The following SMC6 variants were observed in gnomAD, a reference collection of about 807,000 sequenced individuals.
The protein encoded by SMC6 is structural maintenance of chromosomes protein 6.
In SMC6, 79 loss-of-function variants were observed where a neutral mutation model predicts 142.2. That is an observed-to-expected ratio of 0.56 (90% CI 0.46 to 0.67). SMC6 has a LOEUF of 0.67. Among genes scored for constraint, SMC6 ranks in the 30% least tolerant of loss-of-function variants. The pLI, the probability that SMC6 is intolerant of heterozygous loss-of-function variation, is 0.00. For synonymous variants in SMC6, 411 were observed against 412.4 expected (o/e 1.00, Z 0.04); for missense variants, 1,072 against 1,284.0 (o/e 0.83, Z 2.52).
chr2:17,668,150 T>C (rs769541412), intron 26 of SMC6, among the ~76,000 whole-genome samples: 3 of 152,206 alleles, frequency 2.0e-5, no homozygotes, highest in Non-Finnish European at 4.4e-5. Flanking sequence ...TCTAAGTTTC[T>C]GAAAGAGAAA....
intron 23 of SMC6, among the ~76,000 whole-genome samples, chr2:17,689,375 G>A (rs1667599066): frequency 6.6e-6 from 1 of 152,156 alleles, no homozygotes; most frequent in South Asian, 2.1e-4. Context: ...CGTCAACATT[G>A]GAACTGGACT....
At position 17,663,950 on chromosome 2, in the gene SMC6, C is replaced by G. The variant is rs918854348; in HGVS notation, c.*1549G>C. 5.3e-5 allele frequency: 8 copies of G among 152,116 alleles called. No individual in the cohort carries two copies. Among genetic ancestry groups the G allele is most frequent in the African/African-American group, 1.9e-4 (8 of 41,406 alleles). The allele number at this position is 152,116 out of a possible 1,614,324, so 9.4% of individuals were successfully genotyped here. A position where few individuals can be genotyped will look rare whatever the true frequency, so the allele number is the denominator to read the frequency against. On this transcript the variant is annotated 3_prime_UTR_variant, in exon 28 of 28. Transcript: ENST00000448223. The stretch of plus-strand genomic sequence containing the variant: ...TATTTTCACTTATGATAGTTGAAAT[C>G]AAAACTTTGTGAGGCCAAAGCAATG...
chr2:17,704,399 GAATA>G (rs1355541712), intron 18 of SMC6, among the ~76,000 whole-genome samples: 3 of 152,192 alleles, frequency 2.0e-5, no homozygotes, highest in African/African-American at 7.2e-5. Flanking sequence ...AAGATATGGA[GAATA>G]AATAAAGTAC....
chr2:17,718,348 C>T, intron 11 of SMC6, 125 bp from the exon 12 acceptor site: 1 of 532,772 alleles, frequency 1.9e-6, no homozygotes, highest in Non-Finnish European at 3.1e-6. Flanking sequence ...GGCAAATAAA[C>T]ATAACATAAC....
At chr2:17,728,308 C>T (rs904186714) in intron 7 of SMC6, among the ~76,000 whole-genome samples, 1 of 151,962 alleles carries the variant, frequency 6.6e-6, no homozygotes, top group Non-Finnish European at 1.5e-5. Flanking sequence ...TAATGGTACC[C>T]GCCTGTAGTA....
chr2:17,687,790 T>C (rs931992774), intron 23 of SMC6, among the ~76,000 whole-genome samples: 1 of 152,068 alleles, frequency 6.6e-6, no homozygotes, highest in African/African-American at 2.4e-5. Context: ...AAAAATTGAA[T>C]GTAAACAAAA....
At chr2:17,684,920 T>A (rs1187016665) in intron 23 of SMC6, among the ~76,000 whole-genome samples, 1 of 151,784 alleles carries the variant, frequency 6.6e-6, no homozygotes, top group African/African-American at 2.4e-5. Flanking sequence ...ACTGAAAGAA[T>A]AGATACACAA....
intron 26 of SMC6, among the ~76,000 whole-genome samples, chr2:17,667,426 A>G (rs1666549137): frequency 6.6e-6 from 1 of 152,234 alleles, no homozygotes; most frequent in Non-Finnish European, 1.5e-5. Context: ...AATGGTCTAG[A>G]CCTGTGGCTA....
At chr2:17,745,339 T>C (rs995484375) in intron 3 of SMC6, among the ~76,000 whole-genome samples, 2 of 152,194 alleles carry the variant, frequency 1.3e-5, no homozygotes, top group Non-Finnish European at 2.9e-5. Context: ...ATTTCTTTTA[T>C]AGGAATTTAA....
At chr2:17,682,077 T>C in intron 24 of SMC6, 1 of 152,140 alleles carries the variant, frequency 6.6e-6, no homozygotes, top group Non-Finnish European at 1.5e-5. Context: ...TAATAGAGAT[T>C]GGGTTTATTC....
intron 18 of SMC6, among the ~76,000 whole-genome samples, chr2:17,703,540 T>G (rs1345715058): frequency 6.6e-6 from 1 of 151,898 alleles, no homozygotes; most frequent in South Asian, 2.1e-4. Flanking sequence ...TCTTGAACAA[T>G]GCAGGGTTTG....
intron 25 of SMC6, among the ~76,000 whole-genome samples, chr2:17,673,724 C>G (rs990079932): frequency 1.3e-5 from 2 of 151,822 alleles, no homozygotes; most frequent in Admixed American, 6.6e-5. Flanking sequence ...CATGTGCCAC[C>G]ATGCCCAGCT....
rs192086889 is a variant in SMC6, at chr2:17,720,903, T to C, written c.945+37A>G. The C allele has an allele frequency of 3.4e-4, 512 of 1,518,940 alleles. No homozygotes were observed. The African/African-American group carries it at 5.9e-3, about 17-fold the overall frequency. 94.1% of individuals were successfully genotyped at this position (1,518,940 alleles called of 1,614,324 possible). A position where few individuals can be genotyped will look rare whatever the true frequency, so the allele number is the denominator to read the frequency against. On this transcript the variant is annotated intron_variant, in intron 11 of 27. Transcript: ENST00000448223. ...TCTAATATCTGTAATTTCATATGATTCAACCTATTAAATCTGCATTTAAAA... is the reference window on the plus strand; with the variant it reads ...TCTAATATCTGTAATTTCATATGATCCAACCTATTAAATCTGCATTTAAAA...
At chr2:17,721,295 T>C in intron 9 of SMC6, 34 bp from the exon 10 acceptor site, 1 of 1,519,514 alleles carries the variant, frequency 6.6e-7, no homozygotes, top group Non-Finnish European at 8.8e-7. Context: ...ACGTATTTTT[T>C]ATTAATGTTG....
chr2:17,721,097 T>C (rs373657795), intron 10 of SMC6, 45 bp downstream of exon 10: 10 of 1,611,782 alleles, frequency 6.2e-6, no homozygotes, highest in African/African-American at 1.3e-5. Context: ...AAATACATTC[T>C]GCATATCACA....
intron 18 of SMC6, among the ~76,000 whole-genome samples, chr2:17,703,824 T>C (rs188672258): frequency 4.5e-4 from 68 of 152,278 alleles, no homozygotes; most frequent in Admixed American, 2.6e-3. Context: ...TATAATATAC[T>C]GTACTGTATA....
intron 7 of SMC6, among the ~76,000 whole-genome samples, chr2:17,728,517 C>T (rs558694627): frequency 3.2e-4 from 48 of 151,148 alleles, no homozygotes; most frequent in African/African-American, 1.2e-3. Flanking sequence ...GCCTGGGCAA[C>T]ATGGCAAAAC....
intron 23 of SMC6, among the ~76,000 whole-genome samples, chr2:17,691,322 GTGTGTGTGTGTCTC>G (rs1454401927): frequency 2.0e-5 from 2 of 101,756 alleles, no homozygotes; most frequent in Admixed American, 8.2e-5. Flanking sequence ...TGGTGTGTGT[GTGTGTGTGTGTCTC>G]TGTGTGTGTG....
At chr2:17,688,769 C>A (rs985012724) in intron 23 of SMC6, among the ~76,000 whole-genome samples, 3 of 152,080 alleles carry the variant, frequency 2.0e-5, no homozygotes, top group Non-Finnish European at 4.4e-5. Flanking sequence ...TAATTGTAAA[C>A]ATATCTTGCA....
Sources: gnomAD v4.1 joint callset for allele counts (sites outside exome capture counted in the v4.1 genomes callset) on GRCh38, gnomAD v4.1.1 for gene constraint, MANE v1.5 for transcripts, NCBI Gene and HGNC (gene_info 2026-07-23, HGNC 2026-07-21) for gene names.